Variants in GOLGA7 observed in about 807,000 individuals in gnomAD.
GOLGA7 encodes the protein golgin subfamily A member 7.
GOLGA7 carries 10 observed loss-of-function variants against 21.1 expected under a neutral mutation model. The ratio of observed to expected loss-of-function variants is 0.47; its 90% CI spans 0.29 to 0.80. GOLGA7 has a LOEUF of 0.80. Ranked by LOEUF, GOLGA7 falls within the 30% of genes least tolerant of loss-of-function variation. GOLGA7 has a pLI of 0.08. For missense variants in GOLGA7, 114 were observed against 166.8 expected, an observed-to-expected ratio of 0.68 and a Z score of 1.74; for synonymous variants, 64 against 62.6, an observed-to-expected ratio of 1.02 and a Z score of -0.10.
At chr8:41,504,792 A>T (rs923920012) in intron 2 of GOLGA7, among the ~76,000 whole-genome samples, 2 of 152,228 alleles carry the variant, frequency 1.3e-5, no homozygotes, top group Non-Finnish European at 2.9e-5. Context: ...TTAAATTCTA[A>T]ATCAGTTTAT....
intron 1 of GOLGA7, among the ~76,000 whole-genome samples, chr8:41,491,427 A>C (rs979743546): frequency 6.6e-6 from 1 of 152,102 alleles, no homozygotes; most frequent in Non-Finnish European, 1.5e-5. Context: ...GTTTGGCTGA[A>C]AGGGTTTATT....
intron 2 of GOLGA7, among the ~76,000 whole-genome samples, chr8:41,505,277 G>T (rs761711837): frequency 1.3e-5 from 2 of 152,166 alleles, no homozygotes; most frequent in Non-Finnish European, 2.9e-5. Context: ...TGAGCAAACT[G>T]CAGAATAGCA....
intron 2 of GOLGA7, among the ~76,000 whole-genome samples, chr8:41,498,708 T>C (rs1405756478): frequency 6.6e-6 from 1 of 152,272 alleles, no homozygotes; most frequent in Non-Finnish European, 1.5e-5. Flanking sequence ...CTTTGGAATG[T>C]AGCAGTTTAT....
In GOLGA7 at chr8:41,494,996, G is replaced by A. The variant is rs549651895; in HGVS notation, c.112-2513G>A. Among the ~76,000 whole-genome samples, 3 of 152,010 alleles carry A rather than the reference G, an allele frequency of 2.0e-5. No homozygotes were observed. The East Asian group carries it at 5.9e-4, about 30-fold the overall frequency. On this transcript the variant is annotated intron_variant, in intron 1 of 4. Coordinates refer to ENST00000357743, the MANE Select transcript of GOLGA7 (RefSeq NM_001002296.2). Reference sequence around the variant, plus strand: ...CAGGGGGGTGGATCACATGAGGCTAGGAGCCTGAGACCAGCCTGGCAACAT... The same window carrying A: ...CAGGGGGGTGGATCACATGAGGCTAAGAGCCTGAGACCAGCCTGGCAACAT...
intron 4 of GOLGA7, among the ~76,000 whole-genome samples, chr8:41,508,272 G>C (rs1461477730): frequency 2.6e-5 from 4 of 152,146 alleles, no homozygotes; most frequent in Non-Finnish European, 5.9e-5. Flanking sequence ...CTTTAAAAAA[G>C]AATACATTTT....
At chr8:41,503,840 GT>G in intron 2 of GOLGA7, among the ~76,000 whole-genome samples, 1 of 149,840 alleles carries the variant, frequency 6.7e-6, no homozygotes, top group East Asian at 2.0e-4. Flanking sequence ...TTGAAGTCAG[GT>G]AGTGTGATGC....
chr8:41,490,838 G>T lies in GOLGA7; in HGVS notation c.-17G>T. ...GTGTTCCCCCGACCCCGCAGCGCGG[G>T]GTGTCCTGTCCTCGCCATGAGGCCG... On this transcript the variant is annotated 5_prime_UTR_variant, in exon 1 of 5. Transcript: ENST00000357743. 1 of 1,487,096 alleles carries T rather than the reference G, an allele frequency of 6.7e-7. No individual in the cohort carries two copies. Among genetic ancestry groups the T allele is most frequent in the Non-Finnish European group, 9.2e-7 (1 of 1,082,764 alleles). The allele number at this position is 1,487,096 out of a possible 1,614,324, so 92.1% of individuals were successfully genotyped here.
At chr8:41,509,473 G>C (rs1026104359) in intron 4 of GOLGA7, 111 bp from the exon 5 acceptor site, 1 of 152,438 alleles carries the variant, frequency 6.6e-6, no homozygotes, top group Non-Finnish European at 1.5e-5. Flanking sequence ...TTCTAGGTTA[G>C]TAGAACATAG....
At chr8:41,491,160 T>C (rs1351331276) in intron 1 of GOLGA7, among the ~76,000 whole-genome samples, 195 bp downstream of exon 1, 1 of 152,192 alleles carries the variant, frequency 6.6e-6, no homozygotes, top group East Asian at 1.9e-4. Flanking sequence ...AAGAATAATA[T>C]AGGCCGATCG....
chr8:41,497,588 C>T lies in GOLGA7; in HGVS notation c.191C>T (p.Ser64Leu), dbSNP rs1382794948. 1 of 1,586,920 alleles carries T rather than the reference C, an allele frequency of 6.3e-7. No individual in the cohort carries two copies. Among genetic ancestry groups the T allele is most frequent in the South Asian group, 1.1e-5 (1 of 90,538 alleles). Residue 64 changes from serine to leucine, a missense_variant, in exon 2 of 5, where the codon TCA (serine) becomes TTA (leucine). Transcript: ENST00000357743. ...YAEAEKLGGQSYLEGCLACLT... is the reference protein window; with the variant it reads ...YAEAEKLGGQLYLEGCLACLT... ...GAAGCAGAGAAGCTCGGCGGCCAGT[C>T]ATATCTCGAAGGTTGTTTGGCTTGT...
Position 41,510,448 on chromosome 8 carries a change from GAA to G in GOLGA7, c.*886_*887del, listed in dbSNP as rs993105370. ...GTTTTGTTATAAATATAACTTATGAGAAAAAAATTTGATAGGAATAATACTGT... is the reference window on the plus strand; with the variant it reads ...GTTTTGTTATAAATATAACTTATGAGAAAAATTTGATAGGAATAATACTGT... On this transcript the variant is annotated 3_prime_UTR_variant, in exon 5 of 5. Coordinates refer to ENST00000357743, the MANE Select transcript of GOLGA7 (RefSeq NM_001002296.2). 1 of 152,622 alleles carries G rather than the reference GAA, an allele frequency of 6.6e-6. No homozygotes were observed. The highest frequency in any genetic ancestry group is 6.5e-5 in the Admixed American group (1 of 15,282). 9.5% of individuals were successfully genotyped at this position (152,622 alleles called of 1,614,324 possible). A position where few individuals can be genotyped will look rare whatever the true frequency, so the allele number is the denominator to read the frequency against.
chr8:41,504,124 A>AAAT (rs1806219182), intron 2 of GOLGA7, among the ~76,000 whole-genome samples: 1 of 110,682 alleles, frequency 9.0e-6, no homozygotes, highest in Admixed American at 1.1e-4. Context: ...GTATAATAAA[A>AAAT]AAAAAAAAAA....
rs1184597569 is a variant in GOLGA7, at chr8:41,502,897, A to G, written c.265-3014A>G. Among the ~76,000 whole-genome samples the G allele has an allele frequency of 3.9e-5, 6 of 152,244 alleles. No homozygotes were observed. In the South Asian group the frequency reaches 6.2e-4, roughly 16 times the overall value. On this transcript the variant is annotated intron_variant, in intron 2 of 4. Coordinates refer to ENST00000357743, the MANE Select transcript of GOLGA7 (RefSeq NM_001002296.2). The stretch of plus-strand genomic sequence containing the variant: ...TTGACATTGATTTACCAAAAATAAT[A>G]AAGTGTGAATAAAATGTCAACATAT...
Position 41,490,710 on chromosome 8 carries a change from G to A in GOLGA7, c.-145G>A. 1.7e-6 allele frequency: 1 copy of A among 598,026 alleles called. No homozygotes were observed. Among genetic ancestry groups the A allele is most frequent in the East Asian group, 2.9e-5 (1 of 34,966 alleles). The allele number at this position is 598,026 out of a possible 1,614,324, so 37.0% of individuals were successfully genotyped here. A position where few individuals can be genotyped will look rare whatever the true frequency, so the allele number is the denominator to read the frequency against. ...CCGCGGTGACAGCATGGGTGAAGGG[G>A]AGCGGGGCAGAGGAGGCCTTGGGCT... On this transcript the variant is annotated 5_prime_UTR_variant, in exon 1 of 5. Transcript: ENST00000357743.
rs1554540007 is a variant in GOLGA7 at position 41,504,127 on chromosome 8, A to AAAC, written c.265-1782_265-1781insCAA. ...CTAAAACTTAGAGTATAATAAAAAA[A>AAAC]AAAAAAAAACAAAACAAAACAAAAA... On this transcript the variant is annotated intron_variant, in intron 2 of 4. Transcript: ENST00000357743. Among the ~76,000 whole-genome samples, 49 of 116,000 alleles carry AAAC rather than the reference A, an allele frequency of 4.2e-4. 2 individuals are homozygous for AAAC. In the South Asian group the frequency reaches 7.6e-3, roughly 18 times the overall value. The allele number at this position is 116,000 out of a possible 152,430, so 76.1% of individuals were successfully genotyped here.
chr8:41,497,639 G>A lies in GOLGA7; in HGVS notation c.242G>A (p.Cys81Tyr). 6.4e-7 allele frequency: 1 copy of A among 1,557,524 alleles called. No individual in the cohort carries two copies. Among genetic ancestry groups the A allele is most frequent in the Non-Finnish European group, 8.8e-7 (1 of 1,137,062 alleles). ...TTAACAGCATATACCATCTTCCTATGCATGGAAACTCATTATGAGAAGGTA... is the reference window on the plus strand; with the variant it reads ...TTAACAGCATATACCATCTTCCTATACATGGAAACTCATTATGAGAAGGTA... ...ACLTAYTIFLCMETHYEKVLK... is the reference protein window; with the variant it reads ...ACLTAYTIFLYMETHYEKVLK... The change falls in exon 2 of 5, where the codon TGC (cysteine) becomes TAC (tyrosine). Residue 81 changes from cysteine to tyrosine, a missense_variant. Physicochemically the swap from Cys to Tyr is radical, Grantham distance 194 (BLOSUM62 -2). Transcript: ENST00000357743.
At chr8:41,504,557 C>G (rs1806236088) in intron 2 of GOLGA7, among the ~76,000 whole-genome samples, 1 of 152,110 alleles carries the variant, frequency 6.6e-6, no homozygotes, top group Admixed American at 6.5e-5. Flanking sequence ...GAGAATGATA[C>G]ATGCATTGCT....
intron 3 of GOLGA7, 79 bp downstream of exon 3, chr8:41,506,091 G>T: frequency 1.4e-6 from 1 of 722,958 alleles, no homozygotes; most frequent in South Asian, 1.8e-5. Flanking sequence ...TGGCTAGAGA[G>T]AATTTAACTC....
In GOLGA7 at chr8:41,506,022, T is replaced by C. The variant is rs371778184; in HGVS notation, c.366+10T>C. On this transcript the variant is annotated intron_variant, in intron 3 of 4. Coordinates refer to ENST00000357743, the MANE Select transcript of GOLGA7 (RefSeq NM_001002296.2). Reference sequence around the variant, plus strand: ...GCGAGGACTGCGAGTTGTATCTTTTTAGTTCGGATCAGAAAGTCTAAATAT... The same window carrying C: ...GCGAGGACTGCGAGTTGTATCTTTTCAGTTCGGATCAGAAAGTCTAAATAT... 3 of 1,339,752 alleles carry C rather than the reference T, an allele frequency of 2.2e-6. No individual in the cohort carries two copies. Among genetic ancestry groups the C allele is most frequent in the South Asian group, 1.2e-5 (1 of 81,480 alleles). 83.0% of individuals were successfully genotyped at this position (1,339,752 alleles called of 1,614,324 possible). A position where few individuals can be genotyped will look rare whatever the true frequency, so the allele number is the denominator to read the frequency against.
Sources: gnomAD v4.1 joint callset for allele counts (sites outside exome capture counted in the v4.1 genomes callset) on GRCh38, gnomAD v4.1.1 for gene constraint, MANE v1.5 for transcripts, NCBI Gene and HGNC (gene_info 2026-07-23, HGNC 2026-07-21) for gene names.